The following TET1 variants were observed in gnomAD, a reference collection of about 807,000 sequenced individuals.
The protein encoded by TET1 is tet methylcytosine dioxygenase 1.
A neutral mutation model predicts 148.7 loss-of-function variants in TET1; 13 were observed. That is an observed-to-expected ratio of 0.09 (90% confidence interval 0.06 to 0.14). The LOEUF (loss-of-function observed/expected upper bound fraction) is 0.14. Ranked by LOEUF, TET1 falls within the 10% of genes least tolerant of loss-of-function variation. TET1 has a pLI of 1.00. For missense variants in TET1, 2,182 were observed against 2,553.8 expected (o/e 0.85, Z 3.14); for synonymous variants, 907 against 937.2 (o/e 0.97, Z 0.59).
intron 2 of TET1, among the ~76,000 whole-genome samples, chr10:68,585,794 GGTCA>G (rs1308758046): frequency 6.6e-6 from 1 of 151,850 alleles, no homozygotes; most frequent in Non-Finnish European, 1.5e-5. Context: ...GCGATCACAA[GGTCA>G]AGAGATTGAG....
chr10:68,568,997 G>T (rs2133675247), intron 1 of TET1, among the ~76,000 whole-genome samples: 1 of 152,164 alleles, frequency 6.6e-6, no homozygotes, highest in Admixed American at 6.5e-5. Context: ...AGACATAGCA[G>T]GTACTCAACA....
intron 4 of TET1, among the ~76,000 whole-genome samples, chr10:68,649,282 C>G (rs973801453): frequency 1.3e-5 from 2 of 152,188 alleles, no homozygotes; most frequent in Non-Finnish European, 2.9e-5. Context: ...AACGAACACT[C>G]TGGTGCTTAA....
At chr10:68,650,304 C>A (rs1472198384) in intron 4 of TET1, among the ~76,000 whole-genome samples, 1 of 152,096 alleles carries the variant, frequency 6.6e-6, no homozygotes, top group Non-Finnish European at 1.5e-5. Flanking sequence ...TGCTGTAGAT[C>A]ACTAAGAATA....
chr10:68,671,506 A>G (rs1356806354), intron 7 of TET1, among the ~76,000 whole-genome samples: 4 of 152,242 alleles, frequency 2.6e-5, no homozygotes, highest in Non-Finnish European at 5.9e-5. Flanking sequence ...ACTGCAGTGA[A>G]CATTCACATG....
intron 3 of TET1, among the ~76,000 whole-genome samples, chr10:68,604,364 A>G (rs2054095811): frequency 6.6e-6 from 1 of 152,228 alleles, no homozygotes; most frequent in African/African-American, 2.4e-5. Context: ...ATTACTTTCA[A>G]TAGTGTGGGA....
chr10:68,650,114 A>G (rs755063802), intron 4 of TET1, among the ~76,000 whole-genome samples: 6 of 152,172 alleles, frequency 3.9e-5, no homozygotes, highest in South Asian at 4.1e-4. Flanking sequence ...ATCCTTCGTA[A>G]TTCTTTGTTG....
chr10:68,621,267 A>C (rs947468420), intron 3 of TET1, among the ~76,000 whole-genome samples: 1 of 151,938 alleles, frequency 6.6e-6, no homozygotes, highest in Non-Finnish European at 1.5e-5. Context: ...TTTGAGACGG[A>C]GTTTCACTCT....
intron 2 of TET1, among the ~76,000 whole-genome samples, chr10:68,578,051 A>G (rs2053752580): frequency 6.6e-6 from 1 of 152,132 alleles, no homozygotes; most frequent in African/African-American, 2.4e-5. Flanking sequence ...CATTTAATAA[A>G]TCATGTATTG....
intron 3 of TET1, among the ~76,000 whole-genome samples, chr10:68,629,452 A>G (rs923732023): frequency 7.2e-5 from 11 of 152,090 alleles, no homozygotes; most frequent in African/African-American, 2.7e-4. Context: ...TATCTATGAA[A>G]TATAATCAGA....
intron 2 of TET1, among the ~76,000 whole-genome samples, chr10:68,583,755 A>AG (rs2053827909): frequency 3.9e-5 from 6 of 152,104 alleles, no homozygotes; most frequent in African/African-American, 1.2e-4. Flanking sequence ...TACTAAAAAT[A>AG]CAAAAATTAG....
At position 68,574,270 on chromosome 10, in the gene TET1, G is replaced by A; in HGVS notation, c.1914+18G>A. The A allele has an allele frequency of 1.3e-6, 2 of 1,595,940 alleles. No homozygotes were observed. Among genetic ancestry groups the A allele is most frequent in the Non-Finnish European group, 1.7e-6 (2 of 1,171,598 alleles). On this transcript the variant is annotated intron_variant, in intron 2 of 11. Transcript: ENST00000373644. ...CTCTGGAGGTAAGCAAACAGTCAAG[G>A]GGCTGGGAGACAGCTGACACTTGGT...
intron 10 of TET1, among the ~76,000 whole-genome samples, chr10:68,684,527 A>G (rs2055483476): frequency 6.6e-6 from 1 of 152,168 alleles, no homozygotes; most frequent in Non-Finnish European, 1.5e-5. Context: ...TGGCCAGGAC[A>G]TTTTACCTGA....
intron 3 of TET1, among the ~76,000 whole-genome samples, chr10:68,615,080 G>A (rs1285274720): frequency 2.6e-5 from 4 of 151,412 alleles, no homozygotes; most frequent in Admixed American, 6.6e-5. Context: ...GATTACAGGC[G>A]TGTGCCACCA....
intron 1 of TET1, 43 bp from the exon 2 acceptor site, chr10:68,572,174 A>G (rs1028486370): frequency 5.0e-6 from 3 of 597,112 alleles, no homozygotes; most frequent in Non-Finnish European, 8.9e-6. Flanking sequence ...AGGGGAATGC[A>G]TAGGAAAAAG....
intron 2 of TET1, among the ~76,000 whole-genome samples, chr10:68,581,536 G>A (rs1013468046): frequency 8.5e-5 from 13 of 152,160 alleles, no homozygotes; most frequent in African/African-American, 1.4e-4. Context: ...TTTAGTATGT[G>A]TGAAAGCCAA....
intron 6 of TET1, among the ~76,000 whole-genome samples, chr10:68,661,519 TC>T (rs1207481458): frequency 6.6e-6 from 1 of 151,584 alleles, no homozygotes; most frequent in Non-Finnish European, 1.5e-5. Flanking sequence ...TGAGACAGGG[TC>T]TTGCTCTGTC....
Position 68,686,557 on chromosome 10 carries a change from C to T in TET1, c.5254C>T (p.Pro1752Ser), listed in dbSNP as rs868773920. The T allele has an allele frequency of 1.9e-6, 3 of 1,614,008 alleles. No individual in the cohort carries two copies. Among genetic ancestry groups the T allele is most frequent in the Non-Finnish European group, 1.7e-6 (2 of 1,180,042 alleles). The change falls in exon 11 of 12, where the codon CCC becomes TCC. Residue 1752 changes from proline (P) to serine (S), a missense_variant. Physicochemically the swap from Pro to Ser is moderately conservative, Grantham distance 74 (BLOSUM62 -1). Transcript: ENST00000373644. ...AAGAACGTGTTTCACTCAGCCTGTTCCCCGTTCTGGAAAGAAGAGGGCTGC... is the reference window on the plus strand; with the variant it reads ...AAGAACGTGTTTCACTCAGCCTGTTTCCCGTTCTGGAAAGAAGAGGGCTGC... The part of the protein sequence containing the change: ...KKRTCFTQPV[P>S]RSGKKRAAMM...
intron 2 of TET1, among the ~76,000 whole-genome samples, chr10:68,581,738 G>A (rs1204279426): frequency 1.3e-5 from 2 of 151,954 alleles, no homozygotes; most frequent in Non-Finnish European, 2.9e-5. Flanking sequence ...CCAGCTTCTC[G>A]GGAGGCTGAG....
chr10:68,638,316 G>C (rs2054685502), intron 3 of TET1, among the ~76,000 whole-genome samples: 2 of 152,160 alleles, frequency 1.3e-5, no homozygotes, highest in African/African-American at 4.8e-5. Context: ...TGTCATTTCT[G>C]ATTAGACAAA....
Sources: allele counts gnomAD v4.1 joint callset (sites outside exome capture counted in the v4.1 genomes callset), GRCh38; gene constraint gnomAD v4.1.1; transcripts MANE v1.5; gene names NCBI Gene and HGNC (gene_info 2026-07-23, HGNC 2026-07-21).